Variants in CEP164 observed in about 807,000 individuals in gnomAD.
CEP164 encodes the protein centrosomal protein of 164 kDa.
CEP164 carries 162 observed loss-of-function variants against 182.7 expected under a neutral mutation model. The observed-to-expected ratio is 0.89, with a 90% CI of 0.78 to 1.01. CEP164 has a LOEUF of 1.01. Among genes scored for constraint, CEP164 ranks in the 50% least tolerant of loss-of-function variants. The pLI, the probability that CEP164 is intolerant of heterozygous loss-of-function variation, is 0.00. For synonymous variants in CEP164, 661 were observed against 690.0 expected (o/e 0.96, Z 0.66); for missense variants, 1,735 against 1,790.4 (o/e 0.97, Z 0.56).
intron 2 of CEP164, chr11:117,336,282 A>G: frequency 6.4e-7 from 1 of 1,551,250 alleles, no homozygotes; most frequent in African/African-American, 1.4e-5. Flanking sequence ...GCATCTTTTT[A>G]TGAGCTTTCT....
At chr11:117,381,580 TG>T in intron 12 of CEP164, 120 bp from the exon 13 acceptor site, 1 of 1,182,292 alleles carries the variant, frequency 8.5e-7, no homozygotes, top group Non-Finnish European at 1.2e-6. Context: ...GATGTGGGGG[TG>T]GGGCTGGAGC....
At chr11:117,352,856 G>A (rs1273932100) in intron 5 of CEP164, among the ~76,000 whole-genome samples, 2 of 152,178 alleles carry the variant, frequency 1.3e-5, no homozygotes, top group East Asian at 3.8e-4. Context: ...CAAAGTGCTG[G>A]GATTACTGGT....
rs763129266 is a variant in CEP164, at chr11:117,391,103, A to T, written c.2171A>T (p.Gln724Leu). 1 of 1,614,108 alleles carries T rather than the reference A, an allele frequency of 6.2e-7. No individual in the cohort carries two copies. Reference sequence around the variant, plus strand: ...CAGAAAAATAGGCAAATGCTGGAGCAGCTCAAGGAAGAGATAGAGGCTTCG... The same window carrying T: ...CAGAAAAATAGGCAAATGCTGGAGCTGCTCAAGGAAGAGATAGAGGCTTCG... ...LEQKNRQMLEQLKEEIEASEK... is the reference protein window; with the variant it reads ...LEQKNRQMLELLKEEIEASEK... The change falls in exon 17 of 33, where the codon CAG becomes CTG. Residue 724 changes from glutamine to leucine, a missense_variant. By Grantham distance (113) the Gln-to-Leu change is moderately radical. Transcript: ENST00000278935.
intron 3 of CEP164, 147 bp downstream of exon 3, chr11:117,338,815 AC>A (rs2037613743): frequency 3.1e-6 from 2 of 645,998 alleles, no homozygotes; most frequent in East Asian, 5.8e-5. Flanking sequence ...ATGTGAGCCT[AC>A]CTTGGCCTCT....
intron 3 of CEP164, among the ~76,000 whole-genome samples, chr11:117,340,947 C>A (rs2038022225): frequency 1.3e-5 from 2 of 152,222 alleles, no homozygotes; most frequent in Admixed American, 1.3e-4. Flanking sequence ...CTGTCTCAGA[C>A]TCCCAAGTAG....
At chr11:117,356,555 G>GTCCAGCAGAGC in intron 5 of CEP164, 8 of 1,289,310 alleles carry the variant, frequency 6.2e-6, no homozygotes, top group Non-Finnish European at 8.1e-6. Context: ...GCAGGGGCTA[G>GTCCAGCAGAGC]TCCAGCAGAG....
At chr11:117,359,583 C>A in intron 5 of CEP164, 1 of 985,394 alleles carries the variant, frequency 1.0e-6, no homozygotes, top group East Asian at 1.1e-4. Context: ...ATCTTCTGAA[C>A]CTCAGCCTGA....
chr11:117,389,273 A>G (rs1033892889), intron 15 of CEP164, among the ~76,000 whole-genome samples: 1 of 152,038 alleles, frequency 6.6e-6, no homozygotes, highest in Non-Finnish European at 1.5e-5. Flanking sequence ...GAGTTACCCA[A>G]AAAGGATGTG....
rs1255588967 is a variant in CEP164 at position 117,410,018 on chromosome 11, C to G, written c.4096+53C>G. The stretch of plus-strand genomic sequence containing the variant: ...CCACCTGCCTCCTCCTCCTCCTCTT[C>G]CTTCCTTTTCTTCTACCCTCTTTCT... On this transcript the variant is annotated intron_variant, in intron 30 of 32. Coordinates refer to ENST00000278935, the MANE Select transcript of CEP164 (RefSeq NM_014956.5). The G allele has an allele frequency of 2.0e-6, 3 of 1,503,462 alleles. No homozygotes were observed. In the East Asian group the frequency reaches 6.8e-5, roughly 34 times the overall value. The allele number at this position is 1,503,462 out of a possible 1,614,324, so 93.1% of individuals were successfully genotyped here.
intron 28 of CEP164, 27 bp downstream of exon 28, chr11:117,408,059 GT>G: frequency 6.6e-7 from 1 of 1,505,228 alleles, no homozygotes; most frequent in Non-Finnish European, 9.1e-7. Context: ...ACATAGTCCA[GT>G]GGGCCCTGGC....
At chr11:117,338,269 T>C (rs1283843327) in intron 2 of CEP164, among the ~76,000 whole-genome samples, 3 of 152,196 alleles carry the variant, frequency 2.0e-5, no homozygotes, top group Non-Finnish European at 1.5e-5. Context: ...GTATTATAAT[T>C]GTTTCTTCTA....
At chr11:117,357,520 C>G (rs2040446008) in intron 5 of CEP164, among the ~76,000 whole-genome samples, 1 of 149,674 alleles carries the variant, frequency 6.7e-6, no homozygotes, top group Non-Finnish European at 1.5e-5. Context: ...CTCCTGGGTT[C>G]AAGCTATTCT....
chr11:117,398,713 C>T (rs938342977), intron 27 of CEP164, among the ~76,000 whole-genome samples: 4 of 152,224 alleles, frequency 2.6e-5, no homozygotes, highest in African/African-American at 9.6e-5. Context: ...CAAGCTGTAC[C>T]TTGCCCCCTT....
intron 2 of CEP164, chr11:117,336,525 A>G (rs559652032): frequency 6.5e-7 from 1 of 1,529,604 alleles, no homozygotes; most frequent in East Asian, 2.3e-5. Context: ...GGCCTGGGGG[A>G]AAGGGTGGAT....
intron 28 of CEP164, 199 bp from the exon 29 acceptor site, chr11:117,408,691 C>G (rs2046985142): frequency 5.9e-6 from 4 of 680,038 alleles, no homozygotes; most frequent in Admixed American, 3.0e-5. Flanking sequence ...TACATACCAC[C>G]TTGAATTTGT....
chr11:117,391,428 G>A (rs529972317), intron 17 of CEP164, among the ~76,000 whole-genome samples: 109 of 152,238 alleles, frequency 7.2e-4, no homozygotes, highest in Admixed American at 2.4e-3. Context: ...CTCATGACAG[G>A]GCAGAGGATG....
chr11:117,340,900 C>T (rs964423494), intron 3 of CEP164, among the ~76,000 whole-genome samples: 2 of 152,172 alleles, frequency 1.3e-5, no homozygotes, highest in Non-Finnish European at 2.9e-5. Context: ...ATGGCGTGAG[C>T]TCGGCTCGCT....
chr11:117,356,565 G>A (rs772435313), intron 5 of CEP164: 13 of 1,289,028 alleles, frequency 1.0e-5, no homozygotes, highest in Non-Finnish European at 4.0e-6. Context: ...GTCCAGCAGA[G>A]CTCCAGCAGA....
chr11:117,375,669 C>T (rs540109864), intron 10 of CEP164, 39 bp from the exon 11 acceptor site: 6 of 1,584,936 alleles, frequency 3.8e-6, no homozygotes, highest in South Asian at 3.3e-5. Context: ...TTGACTGTGA[C>T]AGAGGCAGAG....
Sources: allele counts gnomAD v4.1 joint callset (sites outside exome capture counted in the v4.1 genomes callset), GRCh38; gene constraint gnomAD v4.1.1; transcripts MANE v1.5; gene names NCBI Gene and HGNC (gene_info 2026-07-23, HGNC 2026-07-21).